Variants in CLOCK observed in about 807,000 individuals in gnomAD.
CLOCK encodes clock circadian regulator.
CLOCK carries 43 observed loss-of-function variants against 118.4 expected under a neutral mutation model. That is an observed-to-expected ratio of 0.36 (90% CI 0.28 to 0.47). The LOEUF is 0.47. Among genes scored for constraint, CLOCK ranks in the 20% least tolerant of loss-of-function variants. The pLI, the probability that CLOCK is intolerant of heterozygous loss-of-function variation, is 1.00. For missense variants in CLOCK, 846 were observed against 999.9 expected (o/e 0.85, Z 2.08); for synonymous variants, 326 against 339.2 (o/e 0.96, Z 0.43).
At chr4:55,470,925 A>G in intron 7 of CLOCK, 119 bp from the exon 8 acceptor site, 1 of 705,004 alleles carries the variant, frequency 1.4e-6, no homozygotes. Context: ...GTTCTGTCAA[A>G]ATATAATACT....
In CLOCK at chr4:55,450,117, G is replaced by A. The variant is rs754065025; in HGVS notation, c.1322C>T (p.Ser441Phe). The change falls in exon 16 of 23, where the codon TCT (serine) becomes TTT (phenylalanine). Residue 441 changes from serine to phenylalanine, a missense_variant. This residue lies in a region of CLOCK where 520 missense variants were observed against 558.0 expected (regional missense o/e 0.93). Coordinates refer to ENST00000513440, the MANE Select transcript of CLOCK (RefSeq NM_004898.4). ...GGAAGGGTCTGAGACGGCCGTGTGA[G>A]ATGATTTTCTTGAACTCCGAGAAGA... is the stretch of plus-strand genomic sequence containing the variant. Reference protein sequence around the residue: ...SASSRSSRKSSHTAVSDPSST... With the variant: ...SASSRSSRKSFHTAVSDPSST... The A allele has an allele frequency of 1.2e-6, 2 of 1,614,150 alleles. No individual in the cohort carries two copies. The highest frequency in any genetic ancestry group is 1.7e-6 in the Non-Finnish European group (2 of 1,180,016).
At position 55,429,118 on chromosome 4, in the gene CLOCK, T is replaced by C. The variant is rs1209521232; in HGVS notation, c.*6297A>G. The C allele has an allele frequency of 6.6e-6, 1 of 152,108 alleles. No individual in the cohort carries two copies. The highest frequency in any genetic ancestry group is 2.4e-5 in the African/African-American group (1 of 41,418). 9.4% of individuals were successfully genotyped at this position (152,108 alleles called of 1,614,324 possible). ...GGCATAACCATTGCCAGCAGTGAAC[T>C]TGCACTAGTCCAAGCCAACTCAAAA... On this transcript the variant is annotated 3_prime_UTR_variant, in exon 23 of 23. Transcript: ENST00000513440.
intron 1 of CLOCK, among the ~76,000 whole-genome samples, chr4:55,531,505 G>A (rs1163835477): frequency 6.6e-6 from 1 of 151,776 alleles, no homozygotes; most frequent in Non-Finnish European, 1.5e-5. Context: ...AAGAGATCGA[G>A]ACCATCCTGG....
intron 8 of CLOCK, 138 bp downstream of exon 8, chr4:55,470,579 C>A: frequency 3.2e-6 from 2 of 620,448 alleles, no homozygotes; most frequent in Non-Finnish European, 5.8e-6. Context: ...CATGCTGAAA[C>A]AAAGACATAC....
At chr4:55,497,371 T>A (rs770218711) in intron 2 of CLOCK, among the ~76,000 whole-genome samples, 14 of 152,200 alleles carry the variant, frequency 9.2e-5, no homozygotes, top group South Asian at 2.1e-4. Context: ...TATTTTATGG[T>A]TAACTGATTA....
At chr4:55,538,129 C>T (rs1404934264) in intron 1 of CLOCK, among the ~76,000 whole-genome samples, 1 of 152,160 alleles carries the variant, frequency 6.6e-6, no homozygotes, top group African/African-American at 2.4e-5. Flanking sequence ...ATATTAGACT[C>T]ATTACACTTT....
intron 1 of CLOCK, among the ~76,000 whole-genome samples, chr4:55,526,646 G>A (rs13132420): frequency 0.34 from 51,239 of 151,548 alleles, 9,342 homozygotes; most frequent in East Asian, 0.58. Context: ...AGTGTAGACA[G>A]TAAGGAAAAA....
At chr4:55,489,605 G>A (rs1727536060) in intron 2 of CLOCK, 140 bp from the exon 3 acceptor site, 1 of 151,920 alleles carries the variant, frequency 6.6e-6, no homozygotes, top group Non-Finnish European at 1.5e-5. Flanking sequence ...TCTATAAATT[G>A]TTTCTAAAAG....
At position 55,429,652 on chromosome 4, in the gene CLOCK, T is replaced by C. The variant is rs903997650; in HGVS notation, c.*5763A>G. ...AAGATGCTATTTCTTTTACTAACAT[T>C]TCCCCAAATGGGCAAAATAGAGGCA... is the stretch of plus-strand genomic sequence containing the variant. On this transcript the variant is annotated 3_prime_UTR_variant, in exon 23 of 23. Transcript: ENST00000513440. 2.6e-5 allele frequency: 4 copies of C among 152,174 alleles called. No homozygotes were observed. The highest frequency in any genetic ancestry group is 9.7e-5 in the African/African-American group (4 of 41,420). The allele number at this position is 152,174 out of a possible 1,614,324, so 9.4% of individuals were successfully genotyped here.
At chr4:55,436,892 CTTTTTT>C (rs35888413) in intron 22 of CLOCK, among the ~76,000 whole-genome samples, 1 of 98,366 alleles carries the variant, frequency 1.0e-5, no homozygotes, top group African/African-American at 3.7e-5. Context: ...TTTGGGATGC[CTTTTTT>C]TTTTTTTTTT....
intron 3 of CLOCK, among the ~76,000 whole-genome samples, chr4:55,488,731 A>G (rs1560452594): frequency 6.6e-6 from 1 of 151,974 alleles, no homozygotes; most frequent in African/African-American, 2.4e-5. Flanking sequence ...TCTCTACCAC[A>G]TTATCCTTTT....
intron 18 of CLOCK, among the ~76,000 whole-genome samples, 174 bp downstream of exon 18, chr4:55,448,601 CGTGT>C (rs3034980): frequency 0.015 from 1,726 of 116,974 alleles, 18 homozygotes; most frequent in Non-Finnish European, 0.021. Context: ...CGCACGCGCG[CGTGT>C]GTGTGTGTGT....
In CLOCK at chr4:55,427,991, A is replaced by G. The variant is rs550641896; in HGVS notation, c.*7424T>C. The G allele has an allele frequency of 6.6e-6, 1 of 152,318 alleles. No individual in the cohort carries two copies. Among genetic ancestry groups the G allele is most frequent in the South Asian group, 2.1e-4 (1 of 4,830 alleles). The allele number at this position is 152,318 out of a possible 1,614,324, so 9.4% of individuals were successfully genotyped here. A position where few individuals can be genotyped will look rare whatever the true frequency, so the allele number is the denominator to read the frequency against. On this transcript the variant is annotated 3_prime_UTR_variant, in exon 23 of 23. Transcript: ENST00000513440. ...TTATGTGCCACATGAAGCAGGTGTT[A>G]TTTTTTGAGAAATGCAGGTGATAAC...
At chr4:55,506,472 G>A (rs1457928717) in intron 2 of CLOCK, among the ~76,000 whole-genome samples, 2 of 152,018 alleles carry the variant, frequency 1.3e-5, no homozygotes, top group Non-Finnish European at 2.9e-5. Context: ...TTCAGTGTAA[G>A]AGCTGCGAAA....
At chr4:55,452,310 T>A (rs1724533131) in intron 15 of CLOCK, 1 of 152,238 alleles carries the variant, frequency 6.6e-6, no homozygotes, top group South Asian at 2.1e-4. Context: ...GAACTGAGGA[T>A]AGCCTTCAGC....
intron 7 of CLOCK, among the ~76,000 whole-genome samples, chr4:55,473,379 A>G (rs1577746008): frequency 6.6e-6 from 1 of 152,226 alleles, no homozygotes; most frequent in East Asian, 1.9e-4. Context: ...GTTAATATAT[A>G]AAAATTATTC....
intron 8 of CLOCK, 48 bp from the exon 9 acceptor site, chr4:55,463,853 AC>A: frequency 8.3e-6 from 13 of 1,560,752 alleles, no homozygotes; most frequent in Non-Finnish European, 1.1e-5. Context: ...GATTCAAGAG[AC>A]AATTGCTTTA....
intron 1 of CLOCK, among the ~76,000 whole-genome samples, chr4:55,536,587 A>G (rs948046331): frequency 1.3e-5 from 2 of 152,144 alleles, no homozygotes; most frequent in African/African-American, 2.4e-5. Flanking sequence ...ATGACTAGAA[A>G]CTTACTAAGC....
rs373176187 is a variant in CLOCK, at chr4:55,502,730, G to A, written c.-136+7182C>T. ...CTTAATCAAAATACACTACTAGAGT[G>A]AAGAAGCAAGCCAAAGACTAGGAAA... is the stretch of plus-strand genomic sequence containing the variant. On this transcript the variant is annotated intron_variant, in intron 2 of 22. Transcript: ENST00000513440. Among the ~76,000 whole-genome samples the A allele has an allele frequency of 7.9e-5, 12 of 152,270 alleles. 1 individual carries two copies. Among genetic ancestry groups the A allele is most frequent in the African/African-American group, 2.9e-4 (12 of 41,564 alleles).
Sources: gnomAD v4.1 joint callset for allele counts (sites outside exome capture counted in the v4.1 genomes callset) on GRCh38, gnomAD v4.1.1 for gene constraint, gnomAD v4.1.1 regional missense constraint, MANE v1.5 for transcripts, NCBI Gene and HGNC (gene_info 2026-07-23, HGNC 2026-07-21) for gene names.